Variants in COPB1 observed in about 807,000 individuals in gnomAD.
The protein encoded by COPB1 is coatomer subunit beta.
COPB1 carries 21 observed loss-of-function variants against 108.7 expected under a neutral mutation model. The ratio of observed to expected loss-of-function variants is 0.19; its 90% CI spans 0.14 to 0.28. The LOEUF is 0.28. Among genes scored for constraint, COPB1 ranks in the 10% least tolerant of loss-of-function variants. The pLI, the probability that COPB1 is intolerant of heterozygous loss-of-function variation, is 1.00. For synonymous variants in COPB1, 378 were observed against 386.8 expected (o/e 0.98, Z 0.27); for missense variants, 919 against 1,141.3 (o/e 0.81, Z 2.81).
At chr11:14,479,514 T>C in intron 11 of COPB1, 55 bp downstream of exon 11, 3 of 1,524,938 alleles carry the variant, frequency 2.0e-6, no homozygotes, top group Non-Finnish European at 2.7e-6. Context: ...CCTTTAAAGA[T>C]AAAAACTGAT....
chr11:14,458,800 G>C, intron 20 of COPB1, 113 bp from the exon 21 acceptor site: 1 of 986,824 alleles, frequency 1.0e-6, no homozygotes, highest in Non-Finnish European at 1.4e-6. Flanking sequence ...GTCTCACTCT[G>C]TTGTCCAGCT....
At chr11:14,471,120 C>G (rs1850393707) in intron 14 of COPB1, among the ~76,000 whole-genome samples, 2 of 152,026 alleles carry the variant, frequency 1.3e-5, no homozygotes, top group African/African-American at 2.4e-5. Context: ...TTTTTCCAGA[C>G]AAAAACTGGA....
chr11:14,479,202 G>A (rs950241766), intron 11 of COPB1, among the ~76,000 whole-genome samples: 1 of 152,068 alleles, frequency 6.6e-6, no homozygotes, highest in African/African-American at 2.4e-5. Context: ...GCTCTCTGAA[G>A]GGAAAGACAG....
chr11:14,483,161 A>T lies in COPB1; in HGVS notation c.838-10T>A. On this transcript the variant is annotated splice_polypyrimidine_tract_variant and intron_variant, in intron 7 of 21. Coordinates refer to ENST00000439561, the MANE Select transcript of COPB1 (RefSeq NM_001144061.2). ...AACACTGAGCAGCAGCCTATATAAAAAAAGAAATACATTTTAAGAAGTTAT... is the reference window on the plus strand; with the variant it reads ...AACACTGAGCAGCAGCCTATATAAATAAAGAAATACATTTTAAGAAGTTAT... The T allele has an allele frequency of 6.5e-7, 1 of 1,527,472 alleles. No individual in the cohort carries two copies. The highest frequency in any genetic ancestry group is 8.9e-7 in the Non-Finnish European group (1 of 1,129,350). The allele number at this position is 1,527,472 out of a possible 1,614,324, so 94.6% of individuals were successfully genotyped here. A position where few individuals can be genotyped will look rare whatever the true frequency, so the allele number is the denominator to read the frequency against.
chr11:14,498,301 AC>A (rs764669829), intron 2 of COPB1, among the ~76,000 whole-genome samples: 1 of 152,240 alleles, frequency 6.6e-6, no homozygotes, highest in Admixed American at 6.5e-5. Context: ...TCTACTGTGT[AC>A]CCCCAAAAAT....
Position 14,460,222 on chromosome 11 carries a change from G to A in COPB1, c.2632C>T (p.Leu878=). 2 of 1,607,234 alleles carry A rather than the reference G, an allele frequency of 1.2e-6. No homozygotes were observed. The highest frequency in any genetic ancestry group is 1.7e-6 in the Non-Finnish European group (2 of 1,174,506). The change falls in exon 20 of 22, where the codon CTG becomes TTG. Residue 878 remains leucine (L), a synonymous_variant. Coordinates refer to ENST00000439561, the MANE Select transcript of COPB1 (RefSeq NM_001144061.2). ...TCAAATTTTACCTTTTCTGGAGTCA[G>A]GCATTTCATATTGGTTGACTTTAAT... ...HILKSTNMKC[L]TPEKALSGYC... is the part of the protein sequence containing the mutation.
intron 17 of COPB1, 69 bp from the exon 18 acceptor site, chr11:14,465,099 AC>A: frequency 7.4e-7 from 1 of 1,346,842 alleles, no homozygotes; most frequent in East Asian, 2.5e-5. Context: ...ACACACACAC[AC>A]ACACACACAC....
chr11:14,481,199 T>C (rs957780525), intron 8 of COPB1, 102 bp from the exon 9 acceptor site: 6 of 829,028 alleles, frequency 7.2e-6, no homozygotes, highest in Non-Finnish European at 1.1e-5. Context: ...TCACTTTAAT[T>C]CTTTAATCAA....
chr11:14,493,876 C>T, intron 3 of COPB1, 65 bp from the exon 4 acceptor site: 2 of 1,279,350 alleles, frequency 1.6e-6, no homozygotes, highest in Non-Finnish European at 2.1e-6. Context: ...AATTTTAATG[C>T]AAAACTTTCC....
At chr11:14,498,468 T>A (rs752504416) in intron 2 of COPB1, among the ~76,000 whole-genome samples, 1 of 152,168 alleles carries the variant, frequency 6.6e-6, no homozygotes, top group Non-Finnish European at 1.5e-5. Context: ...CTTTTGGTTT[T>A]ACAAGCTAAG....
intron 11 of COPB1, among the ~76,000 whole-genome samples, 154 bp downstream of exon 11, chr11:14,479,415 A>C (rs528391397): frequency 2.6e-5 from 4 of 152,240 alleles, no homozygotes; most frequent in Admixed American, 1.3e-4. Flanking sequence ...TATAGACTAA[A>C]TGAGAGTGGA....
In COPB1 at chr11:14,465,170, C is replaced by G. The variant is rs72868017; in HGVS notation, c.2291-140G>C. The G allele has an allele frequency of 3.5e-6, 4 of 1,158,016 alleles. No homozygotes were observed. The African/African-American group carries it at 6.1e-5, about 18-fold the overall frequency. The allele number at this position is 1,158,016 out of a possible 1,614,324, so 71.7% of individuals were successfully genotyped here. ...GTTTCTAGGAAAATAAGGAATATGACGAATATGAGAAGAGTATGAATCAAA... is the reference window on the plus strand; with the variant it reads ...GTTTCTAGGAAAATAAGGAATATGAGGAATATGAGAAGAGTATGAATCAAA... On this transcript the variant is annotated intron_variant, in intron 17 of 21. Transcript: ENST00000439561.
At position 14,457,625 on chromosome 11, in the gene COPB1, T is replaced by G; in HGVS notation, c.*199A>C. 1 of 502,050 alleles carries G rather than the reference T, an allele frequency of 2.0e-6. No individual in the cohort carries two copies. The highest frequency in any genetic ancestry group is 3.6e-5 in the Admixed American group (1 of 27,586). The allele number at this position is 502,050 out of a possible 1,614,324, so 31.1% of individuals were successfully genotyped here. Reference sequence around the variant, plus strand: ...AACATTATATACTTTGAGGACAGCATTCAGAACTGTTAAGACAAAAGACAA... The same window carrying G: ...AACATTATATACTTTGAGGACAGCAGTCAGAACTGTTAAGACAAAAGACAA... On this transcript the variant is annotated 3_prime_UTR_variant, in exon 22 of 22. Transcript: ENST00000439561.
chr11:14,472,575 C>T (rs1397508684), intron 14 of COPB1, among the ~76,000 whole-genome samples: 1 of 152,228 alleles, frequency 6.6e-6, no homozygotes, highest in Non-Finnish European at 1.5e-5. Flanking sequence ...GCACCGACTT[C>T]TCTCTAGCTA....
rs1850640009 is a variant in COPB1 at position 14,480,624 on chromosome 11, A to G, written c.1212+135T>C. 5 of 754,500 alleles carry G rather than the reference A, an allele frequency of 6.6e-6. No individual in the cohort carries two copies. The South Asian group carries it at 1.1e-4, about 16-fold the overall frequency. The allele number at this position is 754,500 out of a possible 1,614,324, so 46.7% of individuals were successfully genotyped here. ...CCCTTCTGAGTTTAAAGGTAGAGGT[A>G]GATATAAAGATCACTTCTCACCATG... On this transcript the variant is annotated intron_variant, in intron 10 of 21. Transcript: ENST00000439561.
At chr11:14,470,301 T>C (rs1432069216) in intron 14 of COPB1, among the ~76,000 whole-genome samples, 3 of 152,220 alleles carry the variant, frequency 2.0e-5, no homozygotes, top group East Asian at 3.9e-4. Context: ...AGATAGGTGA[T>C]GTTTTGTATT....
intron 7 of COPB1, among the ~76,000 whole-genome samples, chr11:14,485,033 C>T (rs1850740230): frequency 6.6e-6 from 1 of 152,180 alleles, no homozygotes; most frequent in South Asian, 2.1e-4. Flanking sequence ...TTCTTAGAGA[C>T]AGGGTCTCAC....
At chr11:14,488,770 T>C (rs936766584) in intron 5 of COPB1, among the ~76,000 whole-genome samples, 186 bp from the exon 6 acceptor site, 3 of 152,096 alleles carry the variant, frequency 2.0e-5, no homozygotes, top group Non-Finnish European at 2.9e-5. Flanking sequence ...TAAAGTTAAA[T>C]ATATTTTCTG....
rs757624778 is a variant in COPB1, at chr11:14,479,627, G to A, written c.1300C>T (p.Leu434=). 3 of 1,613,274 alleles carry A rather than the reference G, an allele frequency of 1.9e-6. No individual in the cohort carries two copies. Among genetic ancestry groups the A allele is most frequent in the Non-Finnish European group, 2.5e-6 (3 of 1,179,712 alleles). ...VREAIQRFDN[L]RMLIVEKMLE... ...ATCTTCTCAACAATAAGCATTCTCA[G>A]GTTATCAAAGCGCTGAATGGCTTCA... The change falls in exon 11 of 22, where the codon CTG becomes TTG. Residue 434 remains leucine, a synonymous_variant. Coordinates refer to ENST00000439561, the MANE Select transcript of COPB1 (RefSeq NM_001144061.2).
Sources: allele counts gnomAD v4.1 joint callset (sites outside exome capture counted in the v4.1 genomes callset), GRCh38; gene constraint gnomAD v4.1.1; transcripts MANE v1.5; gene names NCBI Gene and HGNC (gene_info 2026-07-23, HGNC 2026-07-21).